Variants in RBFOX1 observed in about 807,000 individuals in gnomAD.
The protein encoded by RBFOX1 is RNA binding fox-1 homolog 1, also known as RNA binding protein fox-1 homolog 1.
RBFOX1 carries 8 observed loss-of-function variants against 57.7 expected under a neutral mutation model. That is an observed-to-expected ratio of 0.14 (90% CI 0.08 to 0.25). The LOEUF (loss-of-function observed/expected upper bound fraction) is 0.25, where lower values mean the gene tolerates loss of function less well. Among genes scored for constraint, RBFOX1 ranks in the 10% least tolerant of loss-of-function variants. The probability of loss-of-function intolerance (pLI) is 1.00; values close to 1 mark genes in which losing one functional copy is unlikely to be tolerated. For missense variants in RBFOX1, 611 were observed against 548.5 expected (o/e 1.11, Z -1.14); for synonymous variants, 326 against 222.4 (o/e 1.47, Z -4.15).
chr16:6,812,486 G>T (rs893675299), intron 3 of RBFOX1, among the ~76,000 whole-genome samples: 1 of 151,988 alleles, frequency 6.6e-6, no homozygotes, highest in Non-Finnish European at 1.5e-5. Flanking sequence ...TGATTCTCTT[G>T]CCATAGCCTA....
At chr16:7,371,070 C>A (rs191279495) in intron 4 of RBFOX1, among the ~76,000 whole-genome samples, 3 of 152,124 alleles carry the variant, frequency 2.0e-5, no homozygotes, top group African/African-American at 7.2e-5. Context: ...CTCTAAGCAC[C>A]TTTAGTTTTA....
intron 3 of RBFOX1, among the ~76,000 whole-genome samples, chr16:6,657,577 A>G (rs2098668419): frequency 6.6e-6 from 1 of 152,104 alleles, no homozygotes; most frequent in Non-Finnish European, 1.5e-5. Context: ...GTTGTTTAGG[A>G]AATTTCACCA....
rs55822310 is a variant in RBFOX1 at position 7,567,323 on chromosome 16, C to G, written c.271-12454C>G. On this transcript the variant is annotated intron_variant, in intron 5 of 15. Transcript: ENST00000550418. ...TGGCCCTATATATATATATATATAT[C>G]TCCCTATATATGGCCCTATATATAT... Among the ~76,000 whole-genome samples the G allele has an allele frequency of 6.6e-4, 56 of 84,254 alleles. 6 individuals carry two copies. The highest frequency in any genetic ancestry group is 2.3e-3 in the African/African-American group (52 of 22,770). The allele number at this position is 84,254 out of a possible 152,430, so 55.3% of individuals were successfully genotyped here.
chr16:6,237,086 T>C (rs898144190), intron 1 of RBFOX1, among the ~76,000 whole-genome samples: 1 of 152,224 alleles, frequency 6.6e-6, no homozygotes, highest in African/African-American at 2.4e-5. Flanking sequence ...AGTCTTCGGG[T>C]TTGCTTTTGT....
intron 1 of RBFOX1, among the ~76,000 whole-genome samples, chr16:6,279,007 C>T (rs186838678): frequency 1.0e-3 from 155 of 152,080 alleles, no homozygotes; most frequent in African/African-American, 3.4e-3. Flanking sequence ...TTTTATTAGA[C>T]ATTTTTCTTA....
At chr16:5,954,943 C>G (rs1012182822) in intron 4 of RBFOX1, among the ~76,000 whole-genome samples, 2 of 151,460 alleles carry the variant, frequency 1.3e-5, no homozygotes, top group African/African-American at 4.9e-5. Flanking sequence ...CTGGGTTCCT[C>G]TTGAAGGAGG....
intron 2 of RBFOX1, among the ~76,000 whole-genome samples, chr16:5,591,321 A>G (rs1209485348): frequency 6.7e-6 from 1 of 148,168 alleles, no homozygotes; most frequent in African/African-American, 2.5e-5. Flanking sequence ...GCATGATTTC[A>G]GCTCACTGCA....
chr16:6,294,539 C>T (rs1338359278), intron 1 of RBFOX1, among the ~76,000 whole-genome samples: 1 of 152,162 alleles, frequency 6.6e-6, no homozygotes, highest in Admixed American at 6.5e-5. Context: ...AAACAGGTAA[C>T]ACTAAGTATG....
Position 5,494,002 on chromosome 16 carries a change from T to C in RBFOX1, c.258+26748T>C, listed in dbSNP as rs553962389. Among the ~76,000 whole-genome samples the C allele has an allele frequency of 2.0e-5, 3 of 152,302 alleles. No homozygotes were observed. In the East Asian group the frequency reaches 5.8e-4, roughly 29 times the overall value. ...GAAGGGCAGAGATAAACAGCCTTCT[T>C]GTGGGGCTTTGTGAAGACTCACGAG... is the stretch of plus-strand genomic sequence containing the variant. On this transcript the variant is annotated intron_variant, in intron 2 of 2. Transcript: ENST00000585867.
At chr16:6,718,489 C>A (rs1168600881) in intron 3 of RBFOX1, among the ~76,000 whole-genome samples, 1 of 152,028 alleles carries the variant, frequency 6.6e-6, no homozygotes, top group Non-Finnish European at 1.5e-5. Flanking sequence ...TGGACAGAGT[C>A]TTGAGAACAA....
intron 3 of RBFOX1, among the ~76,000 whole-genome samples, chr16:5,839,213 C>T (rs1453286320): frequency 6.6e-6 from 1 of 152,180 alleles, no homozygotes; most frequent in African/African-American, 2.4e-5. Flanking sequence ...TTGGCTGGCT[C>T]AGACTCCAGC....
At chr16:7,431,917 G>T (rs77240350) in intron 4 of RBFOX1, among the ~76,000 whole-genome samples, 1 of 152,216 alleles carries the variant, frequency 6.6e-6, no homozygotes, top group Non-Finnish European at 1.5e-5. Context: ...GCAGGGGCTT[G>T]TTTCTAGCTA....
At chr16:6,983,669 C>A (rs1435291036) in intron 3 of RBFOX1, 1 of 152,210 alleles carries the variant, frequency 6.6e-6, no homozygotes, top group African/African-American at 2.4e-5. Flanking sequence ...GGAGAAGAGG[C>A]AAGGCCTGTC....
chr16:6,685,139 C>T (rs2059231548), intron 3 of RBFOX1, among the ~76,000 whole-genome samples: 1 of 152,166 alleles, frequency 6.6e-6, no homozygotes, highest in Admixed American at 6.5e-5. Flanking sequence ...TACGAGCTGT[C>T]ACCTTTTATA....
At chr16:7,138,929 C>T (rs534215558) in intron 4 of RBFOX1, among the ~76,000 whole-genome samples, 2 of 152,178 alleles carry the variant, frequency 1.3e-5, no homozygotes, top group Admixed American at 6.5e-5. Flanking sequence ...GTGCCTCAGC[C>T]TCCCAAGTAG....
intron 3 of RBFOX1, among the ~76,000 whole-genome samples, chr16:6,695,660 C>T (rs1350455063): frequency 6.6e-6 from 1 of 152,060 alleles, no homozygotes; most frequent in Non-Finnish European, 1.5e-5. Context: ...ATCATAGTGT[C>T]CGGCCTATTG....
chr16:6,203,123 C>A (rs1391791957), intron 1 of RBFOX1, among the ~76,000 whole-genome samples: 1 of 151,960 alleles, frequency 6.6e-6, no homozygotes, highest in African/African-American at 2.4e-5. Flanking sequence ...AAAAAAAATC[C>A]AGCCTCATAG....
chr16:5,504,134 C>A (rs186719121), intron 2 of RBFOX1, among the ~76,000 whole-genome samples: 51 of 152,338 alleles, frequency 3.3e-4, no homozygotes, highest in African/African-American at 1.1e-3. Flanking sequence ...TTGCTCACAG[C>A]ACAAGCAGCT....
At chr16:6,977,608 C>G (rs1468097338) in intron 3 of RBFOX1, among the ~76,000 whole-genome samples, 1 of 152,132 alleles carries the variant, frequency 6.6e-6, no homozygotes, top group Non-Finnish European at 1.5e-5. Context: ...TTTCTGTGGA[C>G]TCCAAGCTTC....
Sources: gnomAD v4.1 joint callset for allele counts (sites outside exome capture counted in the v4.1 genomes callset) on GRCh38, gnomAD v4.1.1 for gene constraint, MANE v1.5 for transcripts, NCBI Gene and HGNC (gene_info 2026-07-23, HGNC 2026-07-21) for gene names.